DRAXIN: variants seen among roughly 807,000 people sequenced by gnomAD.
DRAXIN encodes dorsal repulsive axon guidance protein.
A neutral mutation model predicts 33.9 loss-of-function variants in DRAXIN; 27 were observed. The ratio of observed to expected loss-of-function variants is 0.80; its 90% CI spans 0.59 to 1.10. DRAXIN has a LOEUF of 1.10. Among genes scored for constraint, DRAXIN ranks in the 50% least tolerant of loss-of-function variants. DRAXIN has a pLI of 0.00. For synonymous variants in DRAXIN, 178 were observed against 194.0 expected, an observed-to-expected ratio of 0.92 and a Z score of 0.69; for missense variants, 371 against 460.8, an observed-to-expected ratio of 0.81 and a Z score of 1.78.
intron 1 of DRAXIN, among the ~76,000 whole-genome samples, chr1:11,702,247 A>T (rs1641303007): frequency 6.6e-6 from 1 of 150,664 alleles, no homozygotes; most frequent in South Asian, 2.1e-4. Flanking sequence ...ACACGCTCTC[A>T]CACACACATG....
intron 3 of DRAXIN, among the ~76,000 whole-genome samples, chr1:11,711,324 A>G (rs1387255916): frequency 6.6e-6 from 1 of 152,210 alleles, no homozygotes; most frequent in Admixed American, 6.5e-5. Flanking sequence ...GTGCTCGCAC[A>G]TGCCCGTGTG....
At chr1:11,715,347 A>T (rs1322056694) in intron 6 of DRAXIN, 139 bp downstream of exon 6, 1 of 1,007,604 alleles carries the variant, frequency 9.9e-7, no homozygotes, top group Non-Finnish European at 1.5e-6. Context: ...GCGGGGGTGT[A>T]GGTGGGAGAA....
chr1:11,720,063 G>C lies in DRAXIN; in HGVS notation c.*367G>C, dbSNP rs369763384. 1.2e-5 allele frequency: 3 copies of C among 250,910 alleles called. No individual in the cohort carries two copies. In the East Asian group the frequency reaches 2.5e-4, roughly 21 times the overall value. The allele number at this position is 250,910 out of a possible 1,614,324, so 15.5% of individuals were successfully genotyped here. A position where few individuals can be genotyped will look rare whatever the true frequency, so the allele number is the denominator to read the frequency against. ...AGAAATTTAAACTTCCCGAAAGAAGGTCCACCATCAGGAGATGAATATGGA... is the reference window on the plus strand; with the variant it reads ...AGAAATTTAAACTTCCCGAAAGAAGCTCCACCATCAGGAGATGAATATGGA... On this transcript the variant is annotated 3_prime_UTR_variant, in exon 7 of 7. Coordinates refer to ENST00000294485, the MANE Select transcript of DRAXIN (RefSeq NM_198545.4).
rs1472864992 is a variant in DRAXIN at position 11,694,480 on chromosome 1, C to T, written c.-11+2627C>T. 2.6e-5 allele frequency among the ~76,000 whole-genome samples: 4 copies of T among 152,164 alleles called. No homozygotes were observed. Among genetic ancestry groups the T allele is most frequent in the Middle Eastern group, 3.4e-3 (1 of 294 alleles). Reference sequence around the variant, plus strand: ...AGGGGTAGAAACTGAGACCAGAGAACGAAGTGGCTCACCCCAGCCGTGCAG... The same window carrying T: ...AGGGGTAGAAACTGAGACCAGAGAATGAAGTGGCTCACCCCAGCCGTGCAG... On this transcript the variant is annotated intron_variant, in intron 1 of 6. Transcript: ENST00000294485. This position sits in a 1 kb window ranked among gnomAD's most constrained non-coding sequence, Gnocchi z 4.9.
At chr1:11,697,255 C>A (rs1641208202) in intron 1 of DRAXIN, among the ~76,000 whole-genome samples, 1 of 152,160 alleles carries the variant, frequency 6.6e-6, no homozygotes. Flanking sequence ...TCTGGGCCTC[C>A]ACCTCTCATT....
intron 1 of DRAXIN, among the ~76,000 whole-genome samples, chr1:11,702,697 A>G (rs1029699844): frequency 8.0e-5 from 12 of 149,864 alleles, no homozygotes; most frequent in African/African-American, 2.5e-4. Context: ...ACACACACAC[A>G]CTCACACATC....
At chr1:11,687,735 T>TAA (rs1375165813), upstream of DRAXIN, among the ~76,000 whole-genome samples, 2 of 152,246 alleles carry the variant, frequency 1.3e-5, no homozygotes, top group East Asian at 3.8e-4. The surrounding 1 kb of genome is among the most constrained non-coding windows in gnomAD (Gnocchi z 4.1). Flanking sequence ...TGGTCTTTTA[T>TAA]GTCTGGCTTG....
intron 5 of DRAXIN, among the ~76,000 whole-genome samples, 165 bp downstream of exon 5, chr1:11,712,594 C>T (rs964322738): frequency 4.6e-5 from 7 of 152,186 alleles, no homozygotes; most frequent in African/African-American, 7.2e-5. Flanking sequence ...GTCAGACATC[C>T]ATTCATTTCA....
intron 5 of DRAXIN, among the ~76,000 whole-genome samples, chr1:11,714,038 A>G (rs1384171192): frequency 6.6e-6 from 1 of 151,924 alleles, no homozygotes; most frequent in Non-Finnish European, 1.5e-5. Flanking sequence ...TAAAAAAAAT[A>G]AGAAAATAAA....
In DRAXIN at chr1:11,704,946, C is replaced by T. The variant is rs1286868385; in HGVS notation, c.-10-1303C>T. On this transcript the variant is annotated intron_variant, in intron 1 of 6. Coordinates refer to ENST00000294485, the MANE Select transcript of DRAXIN (RefSeq NM_198545.4). This position sits in a 1 kb window ranked among gnomAD's most constrained non-coding sequence, Gnocchi z 4.6. Reference sequence around the variant, plus strand: ...GAAGGTGTTTCCCCCCTCCCCTCCACGAGTGCGTGGTCAGAGCTTCGAGGG... The same window carrying T: ...GAAGGTGTTTCCCCCCTCCCCTCCATGAGTGCGTGGTCAGAGCTTCGAGGG... Among the ~76,000 whole-genome samples the T allele has an allele frequency of 5.3e-5, 8 of 152,316 alleles. No homozygotes were observed. Among genetic ancestry groups the T allele is most frequent in the Admixed American group, 2.6e-4 (4 of 15,308 alleles).
intron 6 of DRAXIN, 70 bp from the exon 7 acceptor site, chr1:11,719,514 C>G: frequency 7.4e-7 from 1 of 1,347,054 alleles, no homozygotes; most frequent in Non-Finnish European, 1.0e-6. Flanking sequence ...TGGCCCCGAG[C>G]GTGCAGGGGA....
upstream of DRAXIN, among the ~76,000 whole-genome samples, chr1:11,690,228 T>A (rs1641036106): frequency 6.6e-6 from 1 of 152,166 alleles, no homozygotes; most frequent in African/African-American, 2.4e-5. This position sits in a 1 kb window ranked among gnomAD's most constrained non-coding sequence, Gnocchi z 4.2. Flanking sequence ...TCCATGTTGT[T>A]TACTACTGTA....
intron 6 of DRAXIN, among the ~76,000 whole-genome samples, chr1:11,718,700 T>C (rs565552726): frequency 3.3e-5 from 5 of 152,336 alleles, no homozygotes; most frequent in Admixed American, 3.3e-4. Context: ...ACTACTGGGC[T>C]CAAGCGATCC....
At chr1:11,701,402 G>T (rs1641272023) in intron 1 of DRAXIN, among the ~76,000 whole-genome samples, 1 of 152,172 alleles carries the variant, frequency 6.6e-6, no homozygotes, top group Admixed American at 6.5e-5. Flanking sequence ...CCATGGAAAA[G>T]TCTCCCTGAT....
chr1:11,720,054 C>A lies in DRAXIN; in HGVS notation c.*358C>A. 1 of 252,414 alleles carries A rather than the reference C, an allele frequency of 4.0e-6. No homozygotes were observed. Among genetic ancestry groups the A allele is most frequent in the Non-Finnish European group, 8.1e-6 (1 of 122,760 alleles). The allele number at this position is 252,414 out of a possible 1,614,324, so 15.6% of individuals were successfully genotyped here. ...GAGTGGAAAAGAAATTTAAACTTCC[C>A]GAAAGAAGGTCCACCATCAGGAGAT... On this transcript the variant is annotated 3_prime_UTR_variant, in exon 7 of 7. Transcript: ENST00000294485.
chr1:11,696,788 G>A lies in DRAXIN; in HGVS notation c.-11+4935G>A, dbSNP rs1351527609. On this transcript the variant is annotated intron_variant, in intron 1 of 6. Coordinates refer to ENST00000294485, the MANE Select transcript of DRAXIN (RefSeq NM_198545.4). This position sits in a 1 kb window ranked among gnomAD's most constrained non-coding sequence, Gnocchi z 4.7. The stretch of plus-strand genomic sequence containing the variant: ...GAATTGCTTGAACCCAGGAGGCAAT[G>A]AGCCTCCTGGTTTCAGTGAGCCAAG... Among the ~76,000 whole-genome samples, 1 of 151,970 alleles carries A rather than the reference G, an allele frequency of 6.6e-6. No homozygotes were observed. Among genetic ancestry groups the A allele is most frequent in the African/African-American group, 2.4e-5 (1 of 41,376 alleles).
chr1:11,717,390 G>A (rs540880226), intron 6 of DRAXIN, among the ~76,000 whole-genome samples: 15 of 142,432 alleles, frequency 1.1e-4, no homozygotes, highest in African/African-American at 3.9e-4. Context: ...GGAGGCCAGG[G>A]GAGTGGTTCA....
At chr1:11,713,542 TG>T (rs891392487) in intron 5 of DRAXIN, among the ~76,000 whole-genome samples, 15 of 152,128 alleles carry the variant, frequency 9.9e-5, no homozygotes, top group Admixed American at 3.3e-4. Flanking sequence ...TCCTAAACCC[TG>T]GGGGCCCTTG....
intron 1 of DRAXIN, among the ~76,000 whole-genome samples, chr1:11,693,137 ACTCTT>A (rs1425252220): frequency 6.6e-6 from 1 of 150,824 alleles, no homozygotes; most frequent in Non-Finnish European, 1.5e-5. Context: ...CCTTGCAAGC[ACTCTT>A]CTCTTTCTCT....
Sources: gnomAD v4.1 joint callset for allele counts (sites outside exome capture counted in the v4.1 genomes callset) on GRCh38, gnomAD v4.1.1 for gene constraint, Gnocchi (gnomAD v3.1) non-coding constraint, MANE v1.5 for transcripts, NCBI Gene and HGNC (gene_info 2026-07-23, HGNC 2026-07-21) for gene names.